Variants in CD274 observed in about 807,000 individuals in gnomAD.
CD274 encodes CD274 molecule.
CD274 carries 8 observed loss-of-function variants against 30.1 expected under a neutral mutation model. The observed-to-expected ratio is 0.27, with a 90% CI of 0.16 to 0.48. CD274 has a LOEUF of 0.48. Among genes scored for constraint, CD274 ranks in the 20% least tolerant of loss-of-function variants. The pLI is 0.99. For missense variants in CD274, 353 were observed against 346.6 expected (o/e 1.02, Z -0.15); for synonymous variants, 152 against 124.6 (o/e 1.22, Z -1.46).
intron 1 of CD274, among the ~76,000 whole-genome samples, chr9:5,455,451 A>G (rs1819283171): frequency 6.6e-6 from 1 of 152,186 alleles, no homozygotes; most frequent in Admixed American, 6.5e-5. Context: ...AGTCATTCAT[A>G]TCTTAGTATG....
chr9:5,454,360 T>C (rs150492128), intron 1 of CD274, among the ~76,000 whole-genome samples: 161 of 152,244 alleles, frequency 1.1e-3, no homozygotes, highest in African/African-American at 3.7e-3. Context: ...AATTCCTAAA[T>C]ATAATCACTG....
At position 5,468,188 on chromosome 9, in the gene CD274, T is replaced by C; in HGVS notation, c.*326T>C. On this transcript the variant is annotated 3_prime_UTR_variant, in exon 7 of 7. Coordinates refer to ENST00000381577, the MANE Select transcript of CD274 (RefSeq NM_014143.4). Reference sequence around the variant, plus strand: ...CCATTGCTCATCCTAGGAAGACGGGTTGAGAATCCCTAATTTGAGGGTCAG... The same window carrying C: ...CCATTGCTCATCCTAGGAAGACGGGCTGAGAATCCCTAATTTGAGGGTCAG... 2.8e-6 allele frequency: 1 copy of C among 363,382 alleles called. No homozygotes were observed. The highest frequency in any genetic ancestry group is 6.8e-5 in the South Asian group (1 of 14,610). The allele number at this position is 363,382 out of a possible 1,614,324, so 22.5% of individuals were successfully genotyped here.
Position 5,457,233 on chromosome 9 carries a change from T to A in CD274, c.207T>A (p.His69Gln). ...MEDKNIIQFV[H>Q]GEEDLKVQHS... ...ATAAGAACATTATTCAATTTGTGCA[T>A]GGAGAGGAAGACCTGAAGGTTCAGC... Residue 69 changes from histidine to glutamine, a missense_variant, in exon 3 of 7, where the codon CAT (histidine) becomes CAA (glutamine). His to Gln is a conservative substitution (Grantham distance 24). Coordinates refer to ENST00000381577, the MANE Select transcript of CD274 (RefSeq NM_014143.4). 6.2e-7 allele frequency: 1 copy of A among 1,614,076 alleles called. No homozygotes were observed. Among genetic ancestry groups the A allele is most frequent in the Non-Finnish European group, 8.5e-7 (1 of 1,179,982 alleles).
At position 5,466,627 on chromosome 9, in the gene CD274, A is replaced by T. The variant is rs527703865; in HGVS notation, c.791-143A>T. On this transcript the variant is annotated intron_variant, in intron 5 of 6. Transcript: ENST00000381577. ...CACTATTGAATTAATTAACCTCATA[A>T]GTTGGGACCTGTGGAATAAGGATGT... 1.3e-3 allele frequency: 780 copies of T among 616,442 alleles called. 1 individual carries two copies. Among genetic ancestry groups the T allele is most frequent in the Non-Finnish European group, 1.9e-3 (669 of 346,410 alleles). 38.2% of individuals were successfully genotyped at this position (616,442 alleles called of 1,614,324 possible). A position where few individuals can be genotyped will look rare whatever the true frequency, so the allele number is the denominator to read the frequency against.
At chr9:5,463,263 T>G in intron 4 of CD274, 142 bp downstream of exon 4, 2 of 658,646 alleles carry the variant, frequency 3.0e-6, no homozygotes, top group Non-Finnish European at 2.7e-6. Flanking sequence ...TATATCCTAA[T>G]TCCTCACCTC....
rs1345708073 is a variant in CD274, at chr9:5,454,928, T to C, written c.-14-1172T>C. Among the ~76,000 whole-genome samples, 6 of 152,348 alleles carry C rather than the reference T, an allele frequency of 3.9e-5. No individual in the cohort carries two copies. The East Asian group carries it at 1.2e-3, about 29-fold the overall frequency. Reference sequence around the variant, plus strand: ...TTCATATGTTTACATGTCACCTGTATTTCTTATTCTCTGAACTATATGTTA... The same window carrying C: ...TTCATATGTTTACATGTCACCTGTACTTCTTATTCTCTGAACTATATGTTA... On this transcript the variant is annotated intron_variant, in intron 1 of 6. Transcript: ENST00000381577.
intron 3 of CD274, among the ~76,000 whole-genome samples, chr9:5,460,685 C>A (rs564725085): frequency 3.3e-5 from 5 of 152,214 alleles, no homozygotes; most frequent in Admixed American, 3.3e-4. Flanking sequence ...TATATTTGTA[C>A]CTCTGGTGTA....
intron 1 of CD274, among the ~76,000 whole-genome samples, chr9:5,451,231 T>C (rs1286276411): frequency 6.6e-6 from 1 of 152,206 alleles, no homozygotes; most frequent in East Asian, 1.9e-4. Flanking sequence ...GTTCTACCTC[T>C]TTTTTTAATA....
chr9:5,463,068 C>G lies in CD274; in HGVS notation c.629C>G (p.Thr210Ser). The G allele has an allele frequency of 6.2e-7, 1 of 1,613,872 alleles. No homozygotes were observed. The highest frequency in any genetic ancestry group is 8.5e-7 in the Non-Finnish European group (1 of 1,179,798). ...ACAACTAATGAGATTTTCTACTGCACTTTTAGGAGATTAGATCCTGAGGAA... is the reference window on the plus strand; with the variant it reads ...ACAACTAATGAGATTTTCTACTGCAGTTTTAGGAGATTAGATCCTGAGGAA... ...NTTTNEIFYC[T>S]FRRLDPEENH... The change falls in exon 4 of 7, where the codon ACT (threonine) becomes AGT (serine). Residue 210 changes from threonine to serine, a missense_variant. By Grantham distance (58) the Thr-to-Ser change is moderately conservative. Coordinates refer to ENST00000381577, the MANE Select transcript of CD274 (RefSeq NM_014143.4).
At chr9:5,461,943 A>G (rs945401905) in intron 3 of CD274, among the ~76,000 whole-genome samples, 13 of 152,160 alleles carry the variant, frequency 8.5e-5, no homozygotes, top group African/African-American at 3.1e-4. Context: ...GATATTAGGG[A>G]AAAACTGGAG....
chr9:5,457,022 T>A (rs1819315726), intron 2 of CD274, 57 bp from the exon 3 acceptor site: 1 of 1,240,992 alleles, frequency 8.1e-7, no homozygotes, highest in Non-Finnish European at 1.1e-6. Context: ...TGTGCCAATT[T>A]TGTAAATGTT....
chr9:5,458,929 G>C (rs1208728123), intron 3 of CD274, among the ~76,000 whole-genome samples: 1 of 152,146 alleles, frequency 6.6e-6, no homozygotes, highest in African/African-American at 2.4e-5. Context: ...TGCTAGATCT[G>C]GGATGGAAAG....
chr9:5,456,916 A>G (rs1819313863), intron 2 of CD274, among the ~76,000 whole-genome samples, 163 bp from the exon 3 acceptor site: 1 of 152,244 alleles, frequency 6.6e-6, no homozygotes, highest in Admixed American at 6.5e-5. Context: ...ATAGTGTCCC[A>G]AAACATATTT....
chr9:5,465,445 C>T, intron 4 of CD274, 54 bp from the exon 5 acceptor site: 1 of 1,026,812 alleles, frequency 9.7e-7, no homozygotes. Flanking sequence ...CTGACCCCTT[C>T]CCATCAAAAT....
rs1177780673 is a variant in CD274 at position 5,457,185 on chromosome 9, A to G, written c.159A>G (p.Leu53=). 1.2e-6 allele frequency: 2 copies of G among 1,613,934 alleles called. No individual in the cohort carries two copies. The highest frequency in any genetic ancestry group is 1.7e-6 in the Non-Finnish European group (2 of 1,179,798). The change falls in exon 3 of 7, where the codon CTA becomes CTG. Residue 53 remains leucine (L), a synonymous_variant. Transcript: ENST00000381577. ...PVEKQLDLAA[L]IVYWEMEDKN... Reference sequence around the variant, plus strand: ...AAAAACAATTAGACCTGGCTGCACTAATTGTCTATTGGGAAATGGAGGATA... The same window carrying G: ...AAAAACAATTAGACCTGGCTGCACTGATTGTCTATTGGGAAATGGAGGATA...
chr9:5,466,836 A>C lies in CD274; in HGVS notation c.850+7A>C, dbSNP rs1819504677. The C allele has an allele frequency of 6.2e-7, 1 of 1,603,522 alleles. No homozygotes were observed. The highest frequency in any genetic ancestry group is 1.3e-5 in the African/African-American group (1 of 74,362). On this transcript the variant is annotated splice_region_variant and intron_variant, in intron 6 of 6. Transcript: ENST00000381577. The stretch of plus-strand genomic sequence containing the variant: ...AACTCAAAGAAGCAAAGTGGTAAGA[A>C]TATCAGAAGGAATTGGGAAGTAAAA...
intron 5 of CD274, among the ~76,000 whole-genome samples, chr9:5,466,119 C>T (rs1334476907): frequency 6.6e-6 from 1 of 152,122 alleles, no homozygotes; most frequent in Non-Finnish European, 1.5e-5. Context: ...AAATAATTTC[C>T]TCCCATTTAA....
chr9:5,463,189 C>A (rs967565519), intron 4 of CD274, 68 bp downstream of exon 4: 1 of 1,175,934 alleles, frequency 8.5e-7, no homozygotes, highest in Non-Finnish European at 1.3e-6. Context: ...ATGATGTCTG[C>A]CTATCATAGT....
At chr9:5,457,981 T>G (rs556836959) in intron 3 of CD274, among the ~76,000 whole-genome samples, 1 of 152,214 alleles carries the variant, frequency 6.6e-6, no homozygotes, top group Non-Finnish European at 1.5e-5. Flanking sequence ...AGTCACCCTA[T>G]GAAGACAAAA....
Sources: allele counts gnomAD v4.1 joint callset (sites outside exome capture counted in the v4.1 genomes callset), GRCh38; gene constraint gnomAD v4.1.1; transcripts MANE v1.5; gene names NCBI Gene and HGNC (gene_info 2026-07-23, HGNC 2026-07-21).